The following IFT140 variants were observed in gnomAD, a reference collection of about 807,000 sequenced individuals.
IFT140 encodes intraflagellar transport protein 140 homolog.
Under a neutral mutation model 164.6 loss-of-function variants are expected in IFT140, and 133 were observed. That is an observed-to-expected ratio of 0.81 (90% CI 0.70 to 0.93). The LOEUF is 0.93. Ranked by LOEUF, IFT140 falls within the 40% of genes least tolerant of loss-of-function variation. The pLI is 0.00. For synonymous variants in IFT140, 860 were observed against 817.3 expected (o/e 1.05, Z -0.89); for missense variants, 2,045 against 1,972.3 (o/e 1.04, Z -0.70).
chr16:1,585,134 A>C (rs1472438316), intron 10 of IFT140, among the ~76,000 whole-genome samples: 2 of 152,176 alleles, frequency 1.3e-5, no homozygotes, highest in African/African-American at 4.8e-5. Flanking sequence ...TCACACAAAA[A>C]CGTGTACACA....
chr16:1,568,812 G>A (rs2033862582), intron 14 of IFT140, among the ~76,000 whole-genome samples: 1 of 152,168 alleles, frequency 6.6e-6, no homozygotes, highest in South Asian at 2.1e-4. Context: ...TATACCTGGA[G>A]TTTGTGCCTT....
intron 18 of IFT140, among the ~76,000 whole-genome samples, chr16:1,559,642 T>A (rs895697960): frequency 6.6e-5 from 10 of 152,264 alleles, no homozygotes; most frequent in Non-Finnish European, 1.2e-4. Flanking sequence ...AAAGAGCTGC[T>A]GTGTCACATG....
chr16:1,599,371 TG>T (rs1200052145), intron 4 of IFT140, among the ~76,000 whole-genome samples: 7 of 23,862 alleles, frequency 2.9e-4, no homozygotes, highest in African/African-American at 1.8e-3. Flanking sequence ...GGGAGGGAGG[TG>T]GGGGGGTCAG....
intron 15 of IFT140, 104 bp from the exon 16 acceptor site, chr16:1,566,395 C>T (rs1463765122): frequency 1.9e-6 from 2 of 1,058,510 alleles, no homozygotes; most frequent in Non-Finnish European, 2.8e-6. Flanking sequence ...GAAACACACC[C>T]AGTGTCACCA....
At position 1,597,668 on chromosome 16, in the gene IFT140, C is replaced by T. The variant is rs552478158; in HGVS notation, c.369+4702G>A. ...ATTACTAAATTAGTTCCAGCACAAT[C>T]TTAGATTTTCTTAGAAGGATTAGGC... is the stretch of plus-strand genomic sequence containing the variant. On this transcript the variant is annotated intron_variant, in intron 4 of 30. Transcript: ENST00000426508. Among the ~76,000 whole-genome samples the T allele has an allele frequency of 3.3e-5, 5 of 152,332 alleles. No individual in the cohort carries two copies. In the South Asian group the frequency reaches 6.2e-4, roughly 19 times the overall value.
intron 12 of IFT140, among the ~76,000 whole-genome samples, chr16:1,581,893 T>C (rs1354786355): frequency 2.6e-5 from 4 of 151,570 alleles, no homozygotes; most frequent in Non-Finnish European, 5.9e-5. Flanking sequence ...GAGAGAACTT[T>C]AAGCAACAAA....
chr16:1,581,774 GGGAGC>G (rs1322350216), intron 12 of IFT140, among the ~76,000 whole-genome samples: 9 of 100,474 alleles, frequency 9.0e-5, no homozygotes, highest in African/African-American at 3.6e-4. Flanking sequence ...GGGAGGGGAG[GGGAGC>G]GGAGGGGAGG....
Position 1,551,785 on chromosome 16 carries a change from G to A in IFT140, c.2399+6150C>T, listed in dbSNP as rs555553553. 6.6e-6 allele frequency among the ~76,000 whole-genome samples: 1 copy of A among 152,268 alleles called. No individual in the cohort carries two copies. Among genetic ancestry groups the A allele is most frequent in the African/African-American group, 2.4e-5 (1 of 41,556 alleles). On this transcript the variant is annotated intron_variant, in intron 19 of 30. Coordinates refer to ENST00000426508, the MANE Select transcript of IFT140 (RefSeq NM_014714.4). The surrounding 1 kb of genome is among the most constrained non-coding windows in gnomAD (Gnocchi z 4.0). Reference sequence around the variant, plus strand: ...CACACGTGCGTGGTCCGGCAGATCCGGCAAGATCAACTCTGCGGGACCTCC... The same window carrying A: ...CACACGTGCGTGGTCCGGCAGATCCAGCAAGATCAACTCTGCGGGACCTCC...
intron 30 of IFT140, among the ~76,000 whole-genome samples, chr16:1,513,877 G>T (rs970573269): frequency 7.0e-6 from 1 of 142,648 alleles, no homozygotes; most frequent in African/African-American, 2.7e-5. Flanking sequence ...GTTTCACCGT[G>T]TTAGCCAAGA....
At chr16:1,520,904 C>A (rs574070605) in intron 26 of IFT140, 96 bp from the exon 27 acceptor site, 2 of 1,170,230 alleles carry the variant, frequency 1.7e-6, no homozygotes, top group Non-Finnish European at 1.2e-6. Flanking sequence ...CCAGGCCCCT[C>A]GGCTCAGCGG....
rs2745180 is a variant in IFT140 at position 1,526,646 on chromosome 16, G to C, written c.2550C>G (p.Ala850=). The stretch of plus-strand genomic sequence containing the variant: ...GCATGCCCAGCTGCGTGGCCAGCAC[G>C]GCCACGCGGGCCTCTAGCTCCGGCT... ...EQEPELEARV[A]VLATQLGMLE... Residue 850 remains alanine, a synonymous_variant, in exon 20 of 31, where the codon GCC becomes GCG. Transcript: ENST00000426508. 5.1e-6 allele frequency: 8 copies of C among 1,575,114 alleles called. No individual in the cohort carries two copies. In the Admixed American group the frequency reaches 1.4e-4, roughly 28 times the overall value.
In IFT140 at chr16:1,553,097, A is replaced by G; in HGVS notation, c.2399+4838T>C. 1 of 985,422 alleles carries G rather than the reference A, an allele frequency of 1.0e-6. No homozygotes were observed. The highest frequency in any genetic ancestry group is 1.2e-6 in the Non-Finnish European group (1 of 829,934). The allele number at this position is 985,422 out of a possible 1,614,324, so 61.0% of individuals were successfully genotyped here. Reference sequence around the variant, plus strand: ...GGAGATAGATAAATGCTTAATTCATACTTTCTGGAGGGTACAGTGATGATG... The same window carrying G: ...GGAGATAGATAAATGCTTAATTCATGCTTTCTGGAGGGTACAGTGATGATG... On this transcript the variant is annotated intron_variant, in intron 19 of 30. Coordinates refer to ENST00000426508, the MANE Select transcript of IFT140 (RefSeq NM_014714.4). This position sits in a 1 kb window ranked among gnomAD's most constrained non-coding sequence, Gnocchi z 4.4.
At chr16:1,567,168 C>A (rs2033763055) in intron 15 of IFT140, among the ~76,000 whole-genome samples, 1 of 152,220 alleles carries the variant, frequency 6.6e-6, no homozygotes, top group African/African-American at 2.4e-5. Flanking sequence ...TCGTCAAGCC[C>A]CACTGCAGCT....
At position 1,523,546 on chromosome 16, in the gene IFT140, G is replaced by A. The variant is rs370255916; in HGVS notation, c.3425C>T (p.Ala1142Val). ...CCTGGCAGCCAGCAGCAGCTCTACC[G>A]CCCTCTCGTACTGACTGTGCTCGAT... ...FFIEHSQYER[A>V]VELLLAARKY... Residue 1142 changes from alanine (A) to valine (V), a missense_variant, in exon 26 of 31, where the codon GCG becomes GTG. Transcript: ENST00000426508. The A allele has an allele frequency of 8.7e-6, 14 of 1,612,632 alleles. 1 individual carries two copies. Among genetic ancestry groups the A allele is most frequent in the South Asian group, 4.4e-5 (4 of 91,072 alleles).
At chr16:1,542,203 A>T in intron 19 of IFT140, 2 of 1,072,266 alleles carry the variant, frequency 1.9e-6, no homozygotes, top group African/African-American at 1.6e-5. Flanking sequence ...ACATGGCCAC[A>T]GGCCACTGAG....
rs566532614 is a variant in IFT140, at chr16:1,553,773, C to A, written c.2399+4162G>T. The A allele has an allele frequency of 2.0e-5, 23 of 1,177,820 alleles. No individual in the cohort carries two copies. In the African/African-American group the frequency reaches 3.5e-4, roughly 18 times the overall value. The allele number at this position is 1,177,820 out of a possible 1,614,324, so 73.0% of individuals were successfully genotyped here. On this transcript the variant is annotated intron_variant, in intron 19 of 30. Transcript: ENST00000426508. This position sits in a 1 kb window ranked among gnomAD's most constrained non-coding sequence, Gnocchi z 4.4. ...ATGAGGAGGGGCAGGGCCATGTGGA[C>A]AGCCTCTCCTCCATCCTAGAGCCTA...
At chr16:1,601,290 A>G (rs950988726) in intron 4 of IFT140, among the ~76,000 whole-genome samples, 30 of 152,048 alleles carry the variant, frequency 2.0e-4, no homozygotes, top group African/African-American at 6.0e-4. Flanking sequence ...GAGAGAGACT[A>G]GAGAGAAATA....
At chr16:1,559,179 G>C (rs1231669764) in intron 18 of IFT140, among the ~76,000 whole-genome samples, 3 of 152,232 alleles carry the variant, frequency 2.0e-5, no homozygotes, top group Non-Finnish European at 4.4e-5. Flanking sequence ...CTTCTGCCTT[G>C]AGTGGAAACT....
chr16:1,533,228 T>G lies in IFT140; in HGVS notation c.2400-6432A>C, dbSNP rs1355525679. ...GTCTCTCCCCTTCCCAGCAATCCTG[T>G]GATATCTGCCCCCCTTTTGAGGGCA... On this transcript the variant is annotated intron_variant, in intron 19 of 30. Transcript: ENST00000426508. This position sits in a 1 kb window ranked among gnomAD's most constrained non-coding sequence, Gnocchi z 4.7. 1.3e-5 allele frequency: 2 copies of G among 152,434 alleles called. No homozygotes were observed. The highest frequency in any genetic ancestry group is 3.9e-4 in the East Asian group (2 of 5,176). The allele number at this position is 152,434 out of a possible 1,614,324, so 9.4% of individuals were successfully genotyped here.
Sources: gnomAD v4.1 joint callset for allele counts (sites outside exome capture counted in the v4.1 genomes callset) on GRCh38, gnomAD v4.1.1 for gene constraint, Gnocchi (gnomAD v3.1) non-coding constraint, MANE v1.5 for transcripts, NCBI Gene and HGNC (gene_info 2026-07-23, HGNC 2026-07-21) for gene names.